Variants in CXCL13 observed in about 807,000 individuals in gnomAD.
CXCL13 encodes C-X-C motif chemokine 13.
A neutral mutation model predicts 12.2 loss-of-function variants in CXCL13; 7 were observed. That is an observed-to-expected ratio of 0.57 (90% CI 0.33 to 1.07). The LOEUF (loss-of-function observed/expected upper bound fraction) is 1.07, where lower values mean the gene tolerates loss of function less well. Among genes scored for constraint, CXCL13 ranks in the 50% least tolerant of loss-of-function variants. The pLI is 0.04. For synonymous variants in CXCL13, 47 were observed against 42.4 expected (o/e 1.11, Z -0.42); for missense variants, 113 against 127.4 (o/e 0.89, Z 0.55).
intron 1 of CXCL13, among the ~76,000 whole-genome samples, chr4:77,589,534 G>T (rs1578067796): frequency 7.3e-6 from 1 of 136,386 alleles, no homozygotes; most frequent in South Asian, 2.3e-4. Flanking sequence ...AAACTTTATT[G>T]TAGGCAGGTA....
intron 1 of CXCL13, among the ~76,000 whole-genome samples, chr4:77,556,486 T>C (rs531884888): frequency 6.6e-6 from 1 of 152,240 alleles, no homozygotes; most frequent in African/African-American, 2.4e-5. Context: ...AAAGAACTTT[T>C]CAGGATAATG....
At chr4:77,514,657 GTTT>G (rs1228295176) in intron 1 of CXCL13, among the ~76,000 whole-genome samples, 2 of 150,182 alleles carry the variant, frequency 1.3e-5, no homozygotes, top group Non-Finnish European at 3.0e-5. Flanking sequence ...GGGGTTGTTT[GTTT>G]TTTTCTTGTA....
At chr4:77,564,639 A>C (rs543304673) in intron 1 of CXCL13, among the ~76,000 whole-genome samples, 1 of 152,356 alleles carries the variant, frequency 6.6e-6, no homozygotes, top group East Asian at 1.9e-4. Flanking sequence ...CAGTGAAGAA[A>C]GCTAGGACAA....
chr4:77,595,291 G>A (rs992025838), intron 1 of CXCL13, among the ~76,000 whole-genome samples: 1 of 152,154 alleles, frequency 6.6e-6, no homozygotes, highest in Non-Finnish European at 1.5e-5. Context: ...GACACCTTGA[G>A]TAAAAGTATC....
intron 1 of CXCL13, among the ~76,000 whole-genome samples, chr4:77,537,347 A>G (rs1725084223): frequency 6.6e-6 from 1 of 152,192 alleles, no homozygotes; most frequent in Non-Finnish European, 1.5e-5. Context: ...GATTCACATA[A>G]GGAGCAAGCC....
chr4:77,592,063 G>A (rs1726626454), intron 1 of CXCL13, among the ~76,000 whole-genome samples: 2 of 152,194 alleles, frequency 1.3e-5, no homozygotes, highest in Admixed American at 1.3e-4. Flanking sequence ...ATTATCACAT[G>A]ATCCAGCAAT....
chr4:77,570,673 G>A (rs576052046), intron 1 of CXCL13, among the ~76,000 whole-genome samples: 77 of 152,294 alleles, frequency 5.1e-4, no homozygotes, highest in African/African-American at 1.3e-3. Context: ...AGGGAGAGGC[G>A]CGAGCAGGAA....
chr4:77,524,230 A>T (rs918742587), intron 1 of CXCL13, among the ~76,000 whole-genome samples: 17 of 152,130 alleles, frequency 1.1e-4, no homozygotes, highest in African/African-American at 4.1e-4. Context: ...TCAGAGCTCA[A>T]ATGCCATGCT....
chr4:77,538,168 A>G lies in CXCL13; in HGVS notation c.-43+26380A>G, dbSNP rs977764544. Among the ~76,000 whole-genome samples, 3 of 152,298 alleles carry G rather than the reference A, an allele frequency of 2.0e-5. No homozygotes were observed. The East Asian group carries it at 5.8e-4, about 29-fold the overall frequency. On this transcript the variant is annotated intron_variant, in intron 1 of 4. Transcript: ENST00000286758. ...ATTTTAGTTGTCTTTTTCCTACCTCAGCAATGAGAAGTCTTTGGGTTGCAA... is the reference window on the plus strand; with the variant it reads ...ATTTTAGTTGTCTTTTTCCTACCTCGGCAATGAGAAGTCTTTGGGTTGCAA...
intron 1 of CXCL13, among the ~76,000 whole-genome samples, chr4:77,596,070 A>G (rs567168421): frequency 1.4e-4 from 22 of 152,334 alleles, no homozygotes; most frequent in African/African-American, 5.3e-4. Context: ...CTTTTTGCAA[A>G]CAAAACAAAG....
At chr4:77,525,915 GGTTT>G (rs1189904188) in intron 1 of CXCL13, among the ~76,000 whole-genome samples, 3 of 138,416 alleles carry the variant, frequency 2.2e-5, no homozygotes, top group Non-Finnish European at 1.5e-5. Context: ...TTAAATTGTG[GGTTT>G]GTTTTTTTTT....
upstream of CXCL13, among the ~76,000 whole-genome samples, chr4:77,602,559 A>G (rs1338522755): frequency 6.6e-6 from 1 of 152,144 alleles, no homozygotes; most frequent in African/African-American, 2.4e-5. Context: ...CAGTCCTTGG[A>G]TCACAATTTA....
At chr4:77,546,877 A>G (rs1315324010) in intron 1 of CXCL13, among the ~76,000 whole-genome samples, 1 of 152,180 alleles carries the variant, frequency 6.6e-6, no homozygotes, top group East Asian at 1.9e-4. Flanking sequence ...ATGGGCATTT[A>G]GTGCTATAAA....
intron 1 of CXCL13, among the ~76,000 whole-genome samples, chr4:77,587,784 C>T (rs1560534256): frequency 6.6e-6 from 1 of 152,214 alleles, no homozygotes. Flanking sequence ...TGCTCCTCAC[C>T]GAGTAATCCG....
chr4:77,547,755 G>A (rs142174822), intron 1 of CXCL13, among the ~76,000 whole-genome samples: 74 of 152,264 alleles, frequency 4.9e-4, no homozygotes, highest in Non-Finnish European at 9.4e-4. Flanking sequence ...ATTATTATGT[G>A]TGAATTTGAC....
At chr4:77,512,227 AT>A (rs1240114323) in intron 1 of CXCL13, among the ~76,000 whole-genome samples, 1 of 152,206 alleles carries the variant, frequency 6.6e-6, no homozygotes, top group African/African-American at 2.4e-5. Flanking sequence ...CATCCTGACC[AT>A]CTCTCAGTTT....
At chr4:77,517,717 G>T (rs888770661) in intron 1 of CXCL13, among the ~76,000 whole-genome samples, 1 of 152,064 alleles carries the variant, frequency 6.6e-6, no homozygotes, top group Admixed American at 6.6e-5. Flanking sequence ...ATGTGAGATG[G>T]GTTTCCCGAA....
At chr4:77,537,513 C>T (rs1725088580) in intron 1 of CXCL13, among the ~76,000 whole-genome samples, 1 of 152,150 alleles carries the variant, frequency 6.6e-6, no homozygotes, top group Non-Finnish European at 1.5e-5. Context: ...TCTGGAGGGG[C>T]AATGGAAGAT....
intron 1 of CXCL13, among the ~76,000 whole-genome samples, chr4:77,519,097 C>A (rs1332602176): frequency 6.6e-6 from 1 of 152,192 alleles, no homozygotes; most frequent in Admixed American, 6.5e-5. Flanking sequence ...GCGGTGTCTG[C>A]AGAGCAGTGG....
Sources: gnomAD v4.1 joint callset for allele counts (sites outside exome capture counted in the v4.1 genomes callset) on GRCh38, gnomAD v4.1.1 for gene constraint, MANE v1.5 for transcripts, NCBI Gene and HGNC (gene_info 2026-07-23, HGNC 2026-07-21) for gene names.